RP1L1: variants seen among roughly 807,000 people sequenced by gnomAD.
The protein encoded by RP1L1 is retinitis pigmentosa 1-like 1 protein.
Under a neutral mutation model 15.7 loss-of-function variants are expected in RP1L1, and 27 were observed. That is an observed-to-expected ratio of 1.72 (90% CI 1.27 to 2.38). The LOEUF (loss-of-function observed/expected upper bound fraction) is 2.38, where lower values mean the gene tolerates loss of function less well. Among genes scored for constraint, RP1L1 ranks in the 30% most tolerant of loss-of-function variants. The pLI, the probability that RP1L1 is intolerant of heterozygous loss-of-function variation, is 0.00. For synonymous variants in RP1L1, 1,813 were observed against 1,276.7 expected (o/e 1.42, Z -8.96); for missense variants, 4,798 against 3,075.9 (o/e 1.56, Z -13.24).
intron 1 of RP1L1, among the ~76,000 whole-genome samples, chr8:10,631,971 C>T (rs1054015381): frequency 2.0e-5 from 3 of 152,230 alleles, no homozygotes; most frequent in African/African-American, 7.2e-5. Context: ...GCCCCAGGAA[C>T]AGAGCAGCTC....
Position 10,609,375 on chromosome 8 carries a change from C to G in RP1L1, c.4723G>C (p.Glu1575Gln). 4 of 1,612,558 alleles carry G rather than the reference C, an allele frequency of 2.5e-6. No individual in the cohort carries two copies. The highest frequency in any genetic ancestry group is 3.4e-6 in the Non-Finnish European group (4 of 1,179,934). Residue 1575 changes from glutamate to glutamine, a missense_variant, in exon 4 of 4, where the codon GAG becomes CAG. Coordinates refer to ENST00000382483, the MANE Select transcript of RP1L1 (RefSeq NM_178857.6). ...AQRLQDSTKRELQKLQGRAGR... is the reference protein window; with the variant it reads ...AQRLQDSTKRQLQKLQGRAGR... ...GCCCGGCCCTGGAGCTTCTGGAGCT[C>G]TCTCTTGGTGCTGTCCTGGAGGCGT...
chr8:10,633,038 G>A (rs1357939674), intron 1 of RP1L1, among the ~76,000 whole-genome samples: 2 of 152,204 alleles, frequency 1.3e-5, no homozygotes, highest in Non-Finnish European at 2.9e-5. Flanking sequence ...GCACCATGGG[G>A]TTTATGGAAG....
At chr8:10,644,007 G>A (rs766540371) in intron 1 of RP1L1, among the ~76,000 whole-genome samples, 22 of 151,958 alleles carry the variant, frequency 1.4e-4, no homozygotes, top group African/African-American at 5.1e-4. Flanking sequence ...GAACCTTCCC[G>A]CACCTGTCAA....
At position 10,609,620 on chromosome 8, in the gene RP1L1, G is replaced by A. The variant is rs138261433; in HGVS notation, c.4478C>T (p.Ala1493Val). The change falls in exon 4 of 4, where the codon GCC becomes GTC. Residue 1493 changes from alanine (A) to valine (V), a missense_variant. Ala to Val is a moderately conservative substitution (Grantham distance 64). Coordinates refer to ENST00000382483, the MANE Select transcript of RP1L1 (RefSeq NM_178857.6). ...ATMMGQEHTQ[A>V]QPTQGAAERS... is the part of the protein sequence containing the mutation. ...CTCTGCAGCCCCCTGGGTGGGTTGG[G>A]CCTGCGTGTGCTCTTGGCCCATCAT... 1,842 of 1,607,286 alleles carry A rather than the reference G, an allele frequency of 1.1e-3. 15 individuals are homozygous for A. The African/African-American group carries it at 0.021, about 19-fold the overall frequency.
In RP1L1 at chr8:10,613,171, C is replaced by A. The variant is rs1162668633; in HGVS notation, c.927G>T (p.Met309Ile). ...QSGPLVAGDD[M>I]KKKVRMNEDG... ...CCTCATTCATGCGGACCTTCTTCTT[C>A]ATGTCATCGCCAGCCACCAGCGGGC... Residue 309 changes from methionine to isoleucine, a missense_variant, in exon 4 of 4, where the codon ATG becomes ATT. By Grantham distance (10) the Met-to-Ile change is conservative (BLOSUM62 1). Coordinates refer to ENST00000382483, the MANE Select transcript of RP1L1 (RefSeq NM_178857.6). 1 of 1,613,776 alleles carries A rather than the reference C, an allele frequency of 6.2e-7. No homozygotes were observed. The highest frequency in any genetic ancestry group is 1.7e-5 in the Admixed American group (1 of 60,032).
intron 1 of RP1L1, among the ~76,000 whole-genome samples, chr8:10,633,915 G>A (rs1450657808): frequency 6.6e-6 from 1 of 152,102 alleles, no homozygotes; most frequent in Non-Finnish European, 1.5e-5. Context: ...CCGATTGACC[G>A]ACGTGAGGGG....
chr8:10,643,108 A>C (rs1416569681), intron 1 of RP1L1, among the ~76,000 whole-genome samples: 1 of 152,140 alleles, frequency 6.6e-6, no homozygotes, highest in African/African-American at 2.4e-5. Context: ...AGGCCAAGGC[A>C]GGAGGATTGC....
intron 1 of RP1L1, among the ~76,000 whole-genome samples, chr8:10,653,770 G>C (rs1207726992): frequency 6.6e-6 from 1 of 152,212 alleles, no homozygotes; most frequent in Admixed American, 6.5e-5. Context: ...TAATTTGTAA[G>C]AGGATTTCTG....
chr8:10,624,281 A>C (rs1798122319), intron 1 of RP1L1, among the ~76,000 whole-genome samples: 1 of 152,210 alleles, frequency 6.6e-6, no homozygotes, highest in Admixed American at 6.5e-5. Flanking sequence ...TTAGTAGGAC[A>C]TGGCACCGAT....
intron 1 of RP1L1, among the ~76,000 whole-genome samples, chr8:10,650,074 A>G (rs1004856114): frequency 4.6e-5 from 7 of 152,168 alleles, no homozygotes; most frequent in African/African-American, 1.4e-4. Flanking sequence ...AAGTGTTTTC[A>G]TCCAAGAGAA....
At chr8:10,633,318 C>A (rs185210551) in intron 1 of RP1L1, among the ~76,000 whole-genome samples, 1 of 152,218 alleles carries the variant, frequency 6.6e-6, no homozygotes, top group Non-Finnish European at 1.5e-5. Flanking sequence ...TTGACCAAAT[C>A]CAACCCGAAA....
Position 10,607,017 on chromosome 8 carries a change from T to A in RP1L1, c.7081A>T (p.Thr2361Ser), listed in dbSNP as rs1418810932. 2.5e-6 allele frequency: 4 copies of A among 1,613,940 alleles called. No homozygotes were observed. Among genetic ancestry groups the A allele is most frequent in the Admixed American group, 1.7e-5 (1 of 59,994 alleles). ...EQEEAPLGSR[T>S]PEQGASEGYD... ...CCTTCACTGGCCCCCTGCTCTGGAGTCCTTGAGCCCAAAGGGGCCTCTTCT... is the reference window on the plus strand; with the variant it reads ...CCTTCACTGGCCCCCTGCTCTGGAGACCTTGAGCCCAAAGGGGCCTCTTCT... Residue 2361 changes from threonine (T) to serine (S), a missense_variant, in exon 4 of 4, where the codon ACT becomes TCT. Coordinates refer to ENST00000382483, the MANE Select transcript of RP1L1 (RefSeq NM_178857.6).
Position 10,612,496 on chromosome 8 carries a change from G to GTC in RP1L1, c.1600_1601dup (p.Asp534GlufsTer47). ...CATGAGAGCCGGTGCTGGCTGACGAGTCCGAAGAAGCCCCCTCCTCACTCC... is the reference window on the plus strand; with the variant it reads ...CATGAGAGCCGGTGCTGGCTGACGAGTCTCCGAAGAAGCCCCCTCCTCACTCC... On this transcript the variant is annotated frameshift_variant, in exon 4 of 4. Coordinates refer to ENST00000382483, the MANE Select transcript of RP1L1 (RefSeq NM_178857.6). LOFTEE classifies it low-confidence loss of function (END_TRUNC). The GTC allele has an allele frequency of 6.2e-7, 1 of 1,612,442 alleles. No individual in the cohort carries two copies. Among genetic ancestry groups the GTC allele is most frequent in the Non-Finnish European group, 8.5e-7 (1 of 1,179,984 alleles).
chr8:10,635,633 G>C (rs1347348722), intron 1 of RP1L1, among the ~76,000 whole-genome samples: 1 of 152,208 alleles, frequency 6.6e-6, no homozygotes, highest in African/African-American at 2.4e-5. Flanking sequence ...ACAGTGCCCA[G>C]AGCCTCCATT....
intron 2 of RP1L1, chr8:10,621,301 T>C (rs1798054859): frequency 6.2e-6 from 1 of 161,860 alleles, no homozygotes; most frequent in Non-Finnish European, 1.3e-5. Flanking sequence ...AGCTGATGTT[T>C]ATAACAAAGT....
At chr8:10,618,090 T>C (rs750681646) in intron 2 of RP1L1, among the ~76,000 whole-genome samples, 11 of 152,206 alleles carry the variant, frequency 7.2e-5, no homozygotes, top group African/African-American at 9.7e-5. Flanking sequence ...ACAGAGCATG[T>C]TCTTTTTCAT....
At chr8:10,633,607 C>T (rs900667316) in intron 1 of RP1L1, among the ~76,000 whole-genome samples, 3 of 152,164 alleles carry the variant, frequency 2.0e-5, no homozygotes, top group Admixed American at 2.0e-4. Context: ...AGCGCAGCGT[C>T]CCGCACAGGA....
chr8:10,651,671 C>A (rs1026175406), intron 1 of RP1L1, among the ~76,000 whole-genome samples: 2 of 151,616 alleles, frequency 1.3e-5, no homozygotes, highest in Non-Finnish European at 2.9e-5. Flanking sequence ...GCAGGAGAAT[C>A]CCTTGAACTC....
In RP1L1 at chr8:10,612,123, C is replaced by A; in HGVS notation, c.1975G>T (p.Val659Leu). ...SSPSSPGLGR[V>L]APRGHPRHSH... ...TGCCTGGGATGGCCTCTCGGGGCCA[C>A]TCGGCCAAGGCCAGGGCTGCTGGGT... Residue 659 changes from valine to leucine, a missense_variant, in exon 4 of 4, where the codon GTG becomes TTG. Transcript: ENST00000382483. The A allele has an allele frequency of 6.2e-7, 1 of 1,613,724 alleles. No homozygotes were observed.
Sources: allele counts gnomAD v4.1 joint callset (sites outside exome capture counted in the v4.1 genomes callset), GRCh38; gene constraint gnomAD v4.1.1; transcripts MANE v1.5; gene names NCBI Gene and HGNC (gene_info 2026-07-23, HGNC 2026-07-21).